The following NSMCE1 variants were observed in gnomAD, a reference collection of about 807,000 sequenced individuals.
NSMCE1 encodes non-structural maintenance of chromosomes element 1 homolog.
Under a neutral mutation model 29.6 loss-of-function variants are expected in NSMCE1, and 18 were observed. The ratio of observed to expected loss-of-function variants is 0.61; its 90% CI spans 0.42 to 0.90. NSMCE1 has a LOEUF of 0.90. NSMCE1 is among the 40% of genes least tolerant of loss of function. The pLI, the probability that NSMCE1 is intolerant of heterozygous loss-of-function variation, is 0.00. For synonymous variants in NSMCE1, 124 were observed against 133.4 expected, an observed-to-expected ratio of 0.93 and a Z score of 0.49; for missense variants, 314 against 343.6, an observed-to-expected ratio of 0.91 and a Z score of 0.68.
At chr16:27,248,638 T>G (rs567204303) in intron 2 of NSMCE1, among the ~76,000 whole-genome samples, 1 of 152,216 alleles carries the variant, frequency 6.6e-6, no homozygotes, top group South Asian at 2.1e-4. Context: ...CTCAATCTCC[T>G]GACCTCGTGA....
intron 2 of NSMCE1, among the ~76,000 whole-genome samples, chr16:27,253,031 G>A (rs370825448): frequency 3.3e-5 from 5 of 152,272 alleles, no homozygotes; most frequent in East Asian, 3.9e-4. Flanking sequence ...GAGAGGGCAC[G>A]GAAACTCCAT....
At chr16:27,249,117 A>G (rs1397650107) in intron 2 of NSMCE1, among the ~76,000 whole-genome samples, 1 of 152,260 alleles carries the variant, frequency 6.6e-6, no homozygotes, top group Non-Finnish European at 1.5e-5. Flanking sequence ...GGTGTGAGCC[A>G]CCACGCCCAG....
intron 2 of NSMCE1, among the ~76,000 whole-genome samples, chr16:27,248,889 C>T (rs573569494): frequency 6.6e-6 from 1 of 152,242 alleles, no homozygotes; most frequent in East Asian, 1.9e-4. Flanking sequence ...AGTGCAGTGG[C>T]ACAATCTCAG....
chr16:27,244,156 T>C (rs918009873), intron 2 of NSMCE1, among the ~76,000 whole-genome samples: 1 of 152,218 alleles, frequency 6.6e-6, no homozygotes, highest in African/African-American at 2.4e-5. Flanking sequence ...GGAGGCTGCC[T>C]CTCTTGCTGG....
chr16:27,225,853 C>T lies in NSMCE1; in HGVS notation c.601-7G>A. 1 of 1,613,888 alleles carries T rather than the reference C, an allele frequency of 6.2e-7. No homozygotes were observed. The highest frequency in any genetic ancestry group is 8.5e-7 in the Non-Finnish European group (1 of 1,179,986). ...AGGTTTCGCAGCTTTGACCCTGAAA[C>T]AGGAAAGGCCAATGACGGCGGAGCT... On this transcript the variant is annotated splice_polypyrimidine_tract_variant and splice_region_variant and intron_variant, in intron 6 of 7. Coordinates refer to ENST00000361439, the MANE Select transcript of NSMCE1 (RefSeq NM_145080.4).
At chr16:27,249,931 C>A (rs959851130) in intron 2 of NSMCE1, among the ~76,000 whole-genome samples, 1 of 152,210 alleles carries the variant, frequency 6.6e-6, no homozygotes, top group African/African-American at 2.4e-5. Flanking sequence ...TCTCCTTTGA[C>A]TTCTCTCAAC....
chr16:27,242,143 C>T (rs909111450), intron 2 of NSMCE1, among the ~76,000 whole-genome samples: 1 of 152,158 alleles, frequency 6.6e-6, no homozygotes, highest in African/African-American at 2.4e-5. Context: ...CTCCACTTTT[C>T]TGTTTGACTT....
chr16:27,234,076 G>T, intron 4 of NSMCE1, 112 bp downstream of exon 4: 2 of 732,674 alleles, frequency 2.7e-6, no homozygotes, highest in Non-Finnish European at 4.9e-6. Flanking sequence ...AGCAATGGTG[G>T]CCCATGTCCC....
intron 7 of NSMCE1, 86 bp downstream of exon 7, chr16:27,225,640 G>T (rs1226646206): frequency 1.3e-6 from 2 of 1,536,668 alleles, no homozygotes; most frequent in Non-Finnish European, 1.8e-6. Context: ...AGCCCTTCAG[G>T]GCCCTGTCTC....
At chr16:27,238,980 C>A (rs2083859532) in intron 2 of NSMCE1, among the ~76,000 whole-genome samples, 1 of 152,118 alleles carries the variant, frequency 6.6e-6, no homozygotes, top group Non-Finnish European at 1.5e-5. Context: ...AGCGATCCTC[C>A]TGCCTCAGCC....
intron 1 of NSMCE1, among the ~76,000 whole-genome samples, chr16:27,263,931 C>A (rs766259848): frequency 1.3e-5 from 2 of 152,150 alleles, no homozygotes; most frequent in African/African-American, 2.4e-5. Flanking sequence ...CAGTCAGCAT[C>A]CCAAGAGGCT....
intron 2 of NSMCE1, chr16:27,242,036 C>T (rs1336786589): frequency 9.6e-6 from 3 of 311,440 alleles, no homozygotes; most frequent in Non-Finnish European, 2.0e-5. Flanking sequence ...TTCAAAATAA[C>T]GTGGGTAAGC....
Position 27,235,190 on chromosome 16 carries a change from G to A in NSMCE1, c.246C>T (p.Pro82=). The stretch of plus-strand genomic sequence containing the variant: ...GCCGGGCACTCACCAACGCATAAAT[G>A]GGTCTCCCATCATCTTCCGTGACTC... ...KRGVTEDDGR[P]IYALVNLATT... Residue 82 remains proline (P), a synonymous_variant, in exon 3 of 8, where the codon CCC becomes CCT. Coordinates refer to ENST00000361439, the MANE Select transcript of NSMCE1 (RefSeq NM_145080.4). The A allele has an allele frequency of 6.2e-7, 1 of 1,613,640 alleles. No homozygotes were observed. The highest frequency in any genetic ancestry group is 1.3e-5 in the African/African-American group (1 of 74,958).
At chr16:27,256,750 C>T (rs1191686773) in intron 2 of NSMCE1, among the ~76,000 whole-genome samples, 1 of 152,210 alleles carries the variant, frequency 6.6e-6, no homozygotes, top group Non-Finnish European at 1.5e-5. Flanking sequence ...TCCCAGTGGC[C>T]CCGTAAGATG....
In NSMCE1 at chr16:27,233,091, G is replaced by A; in HGVS notation, c.393C>T (p.Asn131=). The A allele has an allele frequency of 1.2e-6, 2 of 1,614,018 alleles. No individual in the cohort carries two copies. Among genetic ancestry groups the A allele is most frequent in the Non-Finnish European group, 1.7e-6 (2 of 1,179,930 alleles). ...TCTTGCCTTTAAGTTGATCAACCAGGTTCAATATGTTTGTGGAAGACGCAA... is the reference window on the plus strand; with the variant it reads ...TCTTGCCTTTAAGTTGATCAACCAGATTCAATATGTTTGTGGAAGACGCAA... ...TGFASSTNIL[N]LVDQLKGKKM... is the part of the protein sequence containing the mutation. The change falls in exon 5 of 8, where the codon AAC becomes AAT. Residue 131 remains asparagine, a synonymous_variant. Transcript: ENST00000361439.
At chr16:27,231,798 G>A (rs1344362786) in intron 5 of NSMCE1, among the ~76,000 whole-genome samples, 1 of 152,124 alleles carries the variant, frequency 6.6e-6, no homozygotes, top group Non-Finnish European at 1.5e-5. Flanking sequence ...TCCCCAAACC[G>A]GGGCCTGAAC....
In NSMCE1 at chr16:27,257,503, A is replaced by G. The variant is rs1179381412; in HGVS notation, c.68T>C (p.Met23Thr). ...DVHRRFLQLL[M>T]THGVLEEWDV... ...CCATTCCTCTAGCACGCCATGGGTC[A>G]TCAGCAACTGGAGGAAGCGCCGGTG... Residue 23 changes from methionine (M) to threonine (T), a missense_variant, in exon 2 of 8, where the codon ATG (methionine) becomes ACG (threonine). Met to Thr is a moderately conservative substitution (Grantham distance 81, BLOSUM62 -1). Coordinates refer to ENST00000361439, the MANE Select transcript of NSMCE1 (RefSeq NM_145080.4). 6.2e-7 allele frequency: 1 copy of G among 1,613,968 alleles called. No homozygotes were observed. Among genetic ancestry groups the G allele is most frequent in the Non-Finnish European group, 8.5e-7 (1 of 1,179,996 alleles).
chr16:27,265,161 C>CT (rs5816427), intron 1 of NSMCE1, among the ~76,000 whole-genome samples: 27,015 of 81,892 alleles, frequency 0.33, 4,941 homozygotes, highest in South Asian at 0.42. Flanking sequence ...AATTCTTTTC[C>CT]TTTTTTTTTT....
intron 1 of NSMCE1, among the ~76,000 whole-genome samples, chr16:27,264,214 T>TA (rs567469424): frequency 0.012 from 1,759 of 149,486 alleles, 17 homozygotes; most frequent in Non-Finnish European, 0.018. Flanking sequence ...AAACAAAAAT[T>TA]AAAAAAAAAA....
Sources: allele counts gnomAD v4.1 joint callset (sites outside exome capture counted in the v4.1 genomes callset), GRCh38; gene constraint gnomAD v4.1.1; transcripts MANE v1.5; gene names NCBI Gene and HGNC (gene_info 2026-07-23, HGNC 2026-07-21).